Variants in GRK3 observed in about 807,000 individuals in gnomAD.
The protein encoded by GRK3 is adrenergic, beta, receptor kinase 2.
In GRK3, 54 loss-of-function variants were observed where a neutral mutation model predicts 95.7. That is an observed-to-expected ratio of 0.56 (90% CI 0.45 to 0.71). The LOEUF is 0.71. GRK3 is among the 30% of genes least tolerant of loss of function. The pLI is 0.00. For missense variants in GRK3, 649 were observed against 851.2 expected, an observed-to-expected ratio of 0.76 and a Z score of 2.96; for synonymous variants, 281 against 290.8, an observed-to-expected ratio of 0.97 and a Z score of 0.34.
chr22:25,579,770 C>T (rs1207077244), intron 1 of GRK3, among the ~76,000 whole-genome samples: 1 of 151,470 alleles, frequency 6.6e-6, no homozygotes, highest in Non-Finnish European at 1.5e-5. Context: ...CCGAGCCTGG[C>T]CGAGGGGACT....
chr22:25,616,146 C>T (rs2179244), intron 2 of GRK3, among the ~76,000 whole-genome samples: 55 of 151,196 alleles, frequency 3.6e-4, no homozygotes, highest in Admixed American at 8.5e-4. Flanking sequence ...CTCAAGTGCT[C>T]CTGGATCAGT....
intron 19 of GRK3, among the ~76,000 whole-genome samples, chr22:25,718,989 G>A (rs775166828): frequency 3.9e-5 from 6 of 152,196 alleles, no homozygotes; most frequent in Non-Finnish European, 7.3e-5. Context: ...GTGATTTAGA[G>A]TATACAGGAG....
intron 3 of GRK3, among the ~76,000 whole-genome samples, chr22:25,654,434 C>G (rs577084790): frequency 6.6e-6 from 1 of 152,052 alleles, no homozygotes; most frequent in Non-Finnish European, 1.5e-5. Context: ...CACATGAAAA[C>G]TTAGAAAATT....
At chr22:25,628,841 C>G (rs1156536013) in intron 2 of GRK3, among the ~76,000 whole-genome samples, 1 of 152,062 alleles carries the variant, frequency 6.6e-6, no homozygotes, top group Non-Finnish European at 1.5e-5. Flanking sequence ...ACTGGTGTCC[C>G]TTAGGACTTG....
rs954159768 is a variant in GRK3 at position 25,679,343 on chromosome 22, T to G, written c.747+428T>G. Among the ~76,000 whole-genome samples the G allele has an allele frequency of 6.6e-5, 10 of 152,292 alleles. No individual in the cohort carries two copies. The East Asian group carries it at 1.7e-3, about 26-fold the overall frequency. ...ATTACTCACATCCGAATTGTCCTTT[T>G]GAGATTGTCCCTAGTCAGCGTTTCA... On this transcript the variant is annotated intron_variant, in intron 9 of 20. Coordinates refer to ENST00000324198, the MANE Select transcript of GRK3 (RefSeq NM_005160.4).
intron 6 of GRK3, among the ~76,000 whole-genome samples, chr22:25,670,915 G>T (rs928752758): frequency 7.4e-5 from 11 of 148,826 alleles, no homozygotes; most frequent in Non-Finnish European, 1.5e-4. Context: ...TTAGCCTGGC[G>T]TGGTGGCGGG....
intron 2 of GRK3, among the ~76,000 whole-genome samples, chr22:25,608,337 T>C (rs1449023590): frequency 6.6e-6 from 1 of 152,214 alleles, no homozygotes; most frequent in Non-Finnish European, 1.5e-5. Flanking sequence ...GGATATTTAG[T>C]TGCCTTTAAA....
chr22:25,688,398 T>C (rs1490608467), intron 11 of GRK3, among the ~76,000 whole-genome samples: 1 of 152,188 alleles, frequency 6.6e-6, no homozygotes, highest in African/African-American at 2.4e-5. Flanking sequence ...ATATATTTTA[T>C]GGGGCTTAGA....
intron 13 of GRK3, among the ~76,000 whole-genome samples, chr22:25,697,840 A>T (rs948552143): frequency 6.6e-6 from 1 of 152,224 alleles, no homozygotes; most frequent in African/African-American, 2.4e-5. Flanking sequence ...AGTGCTTGAT[A>T]GATAGGATTA....
At chr22:25,635,679 TC>T (rs2084695734) in intron 2 of GRK3, among the ~76,000 whole-genome samples, 1 of 152,234 alleles carries the variant, frequency 6.6e-6, no homozygotes, top group African/African-American at 2.4e-5. Flanking sequence ...TGTTACGTTG[TC>T]CCAAGTCTGA....
rs144283844 is a variant in GRK3, at chr22:25,648,882, A to C, written c.264+4217A>C. 94 of 906,460 alleles carry C rather than the reference A, an allele frequency of 1.0e-4. No homozygotes were observed. The African/African-American group carries it at 1.4e-3, about 13-fold the overall frequency. 56.2% of individuals were successfully genotyped at this position (906,460 alleles called of 1,614,324 possible). ...AAGGTTAATTGAAGACAATGAATAC[A>C]CATCAAGACAAGGTGCAGAATTTCC... is the stretch of plus-strand genomic sequence containing the variant. On this transcript the variant is annotated intron_variant, in intron 3 of 20. Coordinates refer to ENST00000324198, the MANE Select transcript of GRK3 (RefSeq NM_005160.4).
Position 25,622,249 on chromosome 22 carries a change from G to A in GRK3, c.190+17796G>A, listed in dbSNP as rs558388391. ...AGAAGTGAGTTGGTAGAACCATGCA[G>A]CTTGTCGGTGTGCAGCAGGTCCTGG... On this transcript the variant is annotated intron_variant, in intron 2 of 20. Coordinates refer to ENST00000324198, the MANE Select transcript of GRK3 (RefSeq NM_005160.4). Among the ~76,000 whole-genome samples the A allele has an allele frequency of 3.3e-5, 5 of 152,302 alleles. No homozygotes were observed. In the East Asian group the frequency reaches 9.6e-4, roughly 29 times the overall value.
intron 3 of GRK3, among the ~76,000 whole-genome samples, chr22:25,654,117 A>G (rs2084853729): frequency 6.6e-6 from 1 of 152,254 alleles, no homozygotes; most frequent in Admixed American, 6.5e-5. Context: ...GCTCAAATTT[A>G]ATAACAGAGT....
At chr22:25,620,238 C>A (rs913980234) in intron 2 of GRK3, among the ~76,000 whole-genome samples, 1 of 152,028 alleles carries the variant, frequency 6.6e-6, no homozygotes, top group African/African-American at 2.4e-5. Flanking sequence ...GCACAGGGCT[C>A]GGGATTGGTT....
At chr22:25,709,552 A>G (rs907385005) in intron 15 of GRK3, among the ~76,000 whole-genome samples, 2 of 149,802 alleles carry the variant, frequency 1.3e-5, no homozygotes, top group African/African-American at 2.5e-5. Flanking sequence ...TAGATATCCA[A>G]TTTAATTCTT....
intron 18 of GRK3, among the ~76,000 whole-genome samples, chr22:25,717,601 G>A (rs2085397022): frequency 6.6e-6 from 1 of 152,112 alleles, no homozygotes; most frequent in African/African-American, 2.4e-5. Context: ...AATGACTTTA[G>A]GACAATCACC....
At chr22:25,648,070 C>T (rs370792722) in intron 3 of GRK3, 45 of 532,772 alleles carry the variant, frequency 8.4e-5, no homozygotes, top group Non-Finnish European at 9.8e-5. Flanking sequence ...GAGCTGAGAT[C>T]GCGCCACTGC....
chr22:25,585,583 G>A (rs1932271653), intron 1 of GRK3, among the ~76,000 whole-genome samples: 1 of 149,922 alleles, frequency 6.7e-6, no homozygotes, highest in African/African-American at 2.4e-5. Flanking sequence ...TAATTACAAA[G>A]TTTTAAAGTT....
intron 1 of GRK3, among the ~76,000 whole-genome samples, chr22:25,597,569 A>T (rs2084380567): frequency 6.6e-6 from 1 of 152,156 alleles, no homozygotes; most frequent in South Asian, 2.1e-4. Flanking sequence ...ATGTACAATT[A>T]TTATGTGTCA....
Sources: gnomAD v4.1 joint callset for allele counts (sites outside exome capture counted in the v4.1 genomes callset) on GRCh38, gnomAD v4.1.1 for gene constraint, MANE v1.5 for transcripts, NCBI Gene and HGNC (gene_info 2026-07-23, HGNC 2026-07-21) for gene names.